Variants in STXBP4 observed in about 807,000 individuals in gnomAD.
STXBP4 encodes the protein syntaxin-binding protein 4.
In STXBP4, 55 loss-of-function variants were observed where a neutral mutation model predicts 76.1. The observed-to-expected ratio is 0.72, with a 90% confidence interval of 0.58 to 0.91. The LOEUF (loss-of-function observed/expected upper bound fraction) is 0.91, where lower values mean the gene tolerates loss of function less well. STXBP4 is among the 40% of genes least tolerant of loss of function. The probability of loss-of-function intolerance (pLI) is 0.00; values close to 1 mark genes in which losing one functional copy is unlikely to be tolerated. For missense variants in STXBP4, 618 were observed against 636.9 expected (o/e 0.97, Z 0.32); for synonymous variants, 201 against 220.2 (o/e 0.91, Z 0.77).
intron 1 of STXBP4, among the ~76,000 whole-genome samples, chr17:54,980,902 C>T (rs920014330): frequency 4.0e-5 from 6 of 151,354 alleles, no homozygotes; most frequent in South Asian, 4.2e-4. Flanking sequence ...AACACAATTT[C>T]GTAAACTTTC....
chr17:55,003,588 A>G (rs1362252723), intron 7 of STXBP4, among the ~76,000 whole-genome samples: 1 of 152,222 alleles, frequency 6.6e-6, no homozygotes, highest in Admixed American at 6.5e-5. Context: ...TTCTTCAGTT[A>G]CCTGATGCTA....
intron 1 of STXBP4, among the ~76,000 whole-genome samples, chr17:54,970,313 A>T (rs1473061393): frequency 6.6e-6 from 1 of 152,096 alleles, no homozygotes; most frequent in Non-Finnish European, 1.5e-5. Flanking sequence ...AAAGATATTG[A>T]TTACTTTGTG....
intron 8 of STXBP4, among the ~76,000 whole-genome samples, chr17:55,010,864 T>C (rs2078098007): frequency 6.6e-6 from 1 of 152,180 alleles, no homozygotes; most frequent in Non-Finnish European, 1.5e-5. Flanking sequence ...TCAGAAAAAC[T>C]TCAGCACATT....
At chr17:55,043,913 A>G (rs991630894) in intron 11 of STXBP4, 7 of 358,646 alleles carry the variant, frequency 2.0e-5, no homozygotes, top group African/African-American at 1.1e-4. Flanking sequence ...CAATACTGCA[A>G]TCACGTCTCA....
intron 8 of STXBP4, among the ~76,000 whole-genome samples, chr17:55,010,087 A>G (rs1015485761): frequency 1.1e-4 from 16 of 152,012 alleles, no homozygotes; most frequent in Admixed American, 2.0e-4. Context: ...TTCTATAAAC[A>G]TTACACGTGG....
intron 13 of STXBP4, among the ~76,000 whole-genome samples, chr17:55,077,649 G>A (rs2079199527): frequency 6.7e-6 from 1 of 150,056 alleles, no homozygotes; most frequent in Non-Finnish European, 1.5e-5. Context: ...ATGTCTCCAT[G>A]GAATTCCTTT....
intron 16 of STXBP4, among the ~76,000 whole-genome samples, chr17:55,118,585 G>C (rs2079809002): frequency 6.6e-6 from 1 of 151,646 alleles, no homozygotes; most frequent in African/African-American, 2.4e-5. Flanking sequence ...ATAAATGTAA[G>C]AATCTTTAGC....
intron 12 of STXBP4, among the ~76,000 whole-genome samples, chr17:55,053,281 G>GT (rs1360354952): frequency 1.3e-5 from 2 of 151,886 alleles, no homozygotes; most frequent in Non-Finnish European, 2.9e-5. Context: ...AAATATTGGA[G>GT]TTTTTAGGGA....
At chr17:55,055,446 C>T (rs1032738828) in intron 12 of STXBP4, among the ~76,000 whole-genome samples, 6 of 152,278 alleles carry the variant, frequency 3.9e-5, no homozygotes, top group Non-Finnish European at 4.4e-5. Flanking sequence ...TGGTCTAAGC[C>T]GCCATCAGGT....
At chr17:55,027,633 T>G (rs972147856) in intron 8 of STXBP4, among the ~76,000 whole-genome samples, 6 of 152,216 alleles carry the variant, frequency 3.9e-5, no homozygotes, top group African/African-American at 1.4e-4. Context: ...TACTGTAGAG[T>G]GAAAAAAGCA....
the STXBP4 span, among the ~76,000 whole-genome samples, chr17:55,184,683 CTG>C: frequency 6.6e-6 from 1 of 152,146 alleles, no homozygotes; most frequent in Non-Finnish European, 1.5e-5. Flanking sequence ...CAGGGGAAAA[CTG>C]AGGAATTATT....
At chr17:55,025,438 A>G (rs1213862253) in intron 8 of STXBP4, among the ~76,000 whole-genome samples, 1 of 152,214 alleles carries the variant, frequency 6.6e-6, no homozygotes, top group Admixed American at 6.5e-5. Flanking sequence ...TTGGTTTAAT[A>G]TAAGAAAATC....
At chr17:55,155,333 G>A (rs2080265116) in intron 17 of STXBP4, among the ~76,000 whole-genome samples, 1 of 151,932 alleles carries the variant, frequency 6.6e-6, no homozygotes. Context: ...GTTTTCAATT[G>A]GGATTAGTTT....
At position 55,165,704 on chromosome 17, in the gene STXBP4, G is replaced by A. The variant is rs986032941; in HGVS notation, c.*5793G>A. The A allele has an allele frequency of 6.6e-5, 10 of 152,262 alleles. No homozygotes were observed. The highest frequency in any genetic ancestry group is 2.2e-4 in the African/African-American group (9 of 41,402). 9.4% of individuals were successfully genotyped at this position (152,262 alleles called of 1,614,324 possible). On this transcript the variant is annotated 3_prime_UTR_variant, in exon 18 of 18. Coordinates refer to ENST00000376352, the MANE Select transcript of STXBP4 (RefSeq NM_178509.6). ...TCATATATTGAAACCTAACCCCCAA[G>A]GTACCAGTATTAAGAGGTACGGCTC...
chr17:55,161,585 G>A lies in STXBP4; in HGVS notation c.*1674G>A, dbSNP rs1338799176. The A allele has an allele frequency of 6.6e-6, 1 of 152,144 alleles. No homozygotes were observed. Among genetic ancestry groups the A allele is most frequent in the Admixed American group, 6.5e-5 (1 of 15,284 alleles). 9.4% of individuals were successfully genotyped at this position (152,144 alleles called of 1,614,324 possible). ...AGGTGCTTGAGTCACTGAAATCAAA[G>A]TACTCAGGCACACAGCCCACTGACA... On this transcript the variant is annotated 3_prime_UTR_variant, in exon 18 of 18. Transcript: ENST00000376352.
At position 55,078,147 on chromosome 17, in the gene STXBP4, C is replaced by T. The variant is rs745992466; in HGVS notation, c.1258C>T (p.Arg420Ter). 27 of 1,611,206 alleles carry T rather than the reference C, an allele frequency of 1.7e-5. No individual in the cohort carries two copies. The highest frequency in any genetic ancestry group is 1.6e-4 in the Middle Eastern group (1 of 6,064). Residue 420 changes from arginine (R) to a stop codon, truncating the protein, a stop_gained, in exon 14 of 18, where the codon CGA (arginine) becomes TGA (stop). Coordinates refer to ENST00000376352, the MANE Select transcript of STXBP4 (RefSeq NM_178509.6). LOFTEE classifies it high-confidence loss of function. The part of the protein sequence containing the change: ...DCQLRKSEMA[R>*]KTFEASTEKL... ...CCAATTACGAAAATCAGAAATGGCT[C>T]GAAAAACTTTTGAGGCATCCACTGA... is the stretch of plus-strand genomic sequence containing the variant.
Position 55,129,954 on chromosome 17 carries a change from C to G in STXBP4, c.1490-11356C>G, listed in dbSNP as rs141912233. 9.1e-3 allele frequency among the ~76,000 whole-genome samples: 1,379 copies of G among 152,144 alleles called. 14 individuals are homozygous for G. Among genetic ancestry groups the G allele is most frequent in the South Asian group, 0.016 (79 of 4,808 alleles). ...TACATGAGCCTTTAAATCTGAATCT[C>G]GAAATCAGAGACAGAGAAGTCATAT... On this transcript the variant is annotated intron_variant, in intron 16 of 17. Transcript: ENST00000376352.
intron 10 of STXBP4, among the ~76,000 whole-genome samples, chr17:55,040,755 T>A (rs1018085898): frequency 1.3e-5 from 2 of 152,120 alleles, no homozygotes; most frequent in African/African-American, 4.8e-5. Flanking sequence ...GATCCAAGGA[T>A]CACAAATGAT....
chr17:55,102,129 A>ATT (rs111831764), intron 16 of STXBP4, among the ~76,000 whole-genome samples: 2 of 142,290 alleles, frequency 1.4e-5, no homozygotes, highest in African/African-American at 2.6e-5. Flanking sequence ...GTGAACTCTC[A>ATT]TTTTTTTTTT....
Sources: gnomAD v4.1 joint callset for allele counts (sites outside exome capture counted in the v4.1 genomes callset) on GRCh38, gnomAD v4.1.1 for gene constraint, MANE v1.5 for transcripts, NCBI Gene and HGNC (gene_info 2026-07-23, HGNC 2026-07-21) for gene names.